Variants in BRINP3 observed in about 807,000 individuals in gnomAD.
BRINP3 encodes the protein BMP/retinoic acid inducible neural specific 3.
BRINP3 carries 19 observed loss-of-function variants against 71.0 expected under a neutral mutation model. The ratio of observed to expected loss-of-function variants is 0.27; its 90% CI spans 0.19 to 0.39. The LOEUF (loss-of-function observed/expected upper bound fraction) is 0.39. Among genes scored for constraint, BRINP3 ranks in the 10% least tolerant of loss-of-function variants. The pLI is 1.00. For missense variants in BRINP3, 959 were observed against 940.8 expected (o/e 1.02, Z -0.25); for synonymous variants, 380 against 337.7 (o/e 1.13, Z -1.37).
At chr1:190,195,869 C>T (rs927672955) in intron 6 of BRINP3, among the ~76,000 whole-genome samples, 1 of 152,040 alleles carries the variant, frequency 6.6e-6, no homozygotes, top group African/African-American at 2.4e-5. Flanking sequence ...AGCTTGTTAT[C>T]TCCACTTTCT....
chr1:190,193,440 C>T (rs1654218394), intron 6 of BRINP3, among the ~76,000 whole-genome samples: 1 of 151,938 alleles, frequency 6.6e-6, no homozygotes, highest in Non-Finnish European at 1.5e-5. Context: ...CTTTTAAGAG[C>T]CATGAGTATA....
chr1:190,183,437 G>A (rs1278162355), intron 6 of BRINP3, among the ~76,000 whole-genome samples: 2 of 151,916 alleles, frequency 1.3e-5, no homozygotes, highest in Admixed American at 6.6e-5. Context: ...CTGCTCAAAG[G>A]GGGAATAAAG....
intron 2 of BRINP3, among the ~76,000 whole-genome samples, chr1:190,312,752 C>T (rs535382402): frequency 1.3e-5 from 2 of 151,596 alleles, no homozygotes; most frequent in South Asian, 2.1e-4. Flanking sequence ...TTGCATCATC[C>T]GATAATAGGA....
Position 190,098,850 on chromosome 1 carries a change from G to A in BRINP3, c.1469C>T (p.Thr490Ile). Residue 490 changes from threonine to isoleucine, a missense_variant, in exon 8 of 8, where the codon ACT (threonine) becomes ATT (isoleucine). Transcript: ENST00000367462. ...ESTDHYIGFETDLQDLEMKYL... is the reference protein window; with the variant it reads ...ESTDHYIGFEIDLQDLEMKYL... ...TTTCATCTCGAGATCTTGCAGGTCAGTTTCAAAGCCAATATAGTGATCGGT... is the reference window on the plus strand; with the variant it reads ...TTTCATCTCGAGATCTTGCAGGTCAATTTCAAAGCCAATATAGTGATCGGT... 1 of 1,614,196 alleles carries A rather than the reference G, an allele frequency of 6.2e-7. No homozygotes were observed. Among genetic ancestry groups the A allele is most frequent in the Non-Finnish European group, 8.5e-7 (1 of 1,180,042 alleles).
chr1:190,233,840 A>G (rs1658245272), intron 5 of BRINP3, among the ~76,000 whole-genome samples: 1 of 152,194 alleles, frequency 6.6e-6, no homozygotes, highest in Non-Finnish European at 1.5e-5. Flanking sequence ...TAGTAATAGA[A>G]AATAGCAAAT....
At chr1:190,313,605 A>G (rs1027226337) in intron 2 of BRINP3, among the ~76,000 whole-genome samples, 6 of 152,058 alleles carry the variant, frequency 3.9e-5, no homozygotes, top group Non-Finnish European at 8.8e-5. Context: ...AACATCATCA[A>G]CAATAATCAA....
chr1:190,456,599 A>G (rs1252539227), intron 1 of BRINP3, among the ~76,000 whole-genome samples: 1 of 151,940 alleles, frequency 6.6e-6, no homozygotes, highest in African/African-American at 2.4e-5. Flanking sequence ...GAACTATACA[A>G]TTTATTTTAA....
At chr1:190,445,247 C>T (rs1388599770) in intron 2 of BRINP3, among the ~76,000 whole-genome samples, 3 of 151,864 alleles carry the variant, frequency 2.0e-5, no homozygotes, top group African/African-American at 7.3e-5. Context: ...CTATTATAAA[C>T]CATAAATAGT....
intron 1 of BRINP3, among the ~76,000 whole-genome samples, chr1:190,470,758 A>G (rs1378728391): frequency 6.6e-6 from 1 of 151,152 alleles, no homozygotes; most frequent in Non-Finnish European, 1.5e-5. Flanking sequence ...TCAAAATTTG[A>G]ACACAAACAT....
At chr1:190,155,558 C>T (rs981069294) in intron 7 of BRINP3, among the ~76,000 whole-genome samples, 3 of 152,024 alleles carry the variant, frequency 2.0e-5, no homozygotes, top group Admixed American at 1.3e-4. Context: ...CATAGTATAG[C>T]TCAGTTACGT....
At chr1:190,456,819 A>G (rs1258935286) in intron 1 of BRINP3, among the ~76,000 whole-genome samples, 2 of 152,208 alleles carry the variant, frequency 1.3e-5, no homozygotes, top group African/African-American at 2.4e-5. Context: ...TTTCATAAAG[A>G]CAGAATAAAT....
rs913644308 is a variant in BRINP3 at position 190,365,806 on chromosome 1, G to GTGTGTATATA, written c.237-84057_237-84056insTATATACACA. The stretch of plus-strand genomic sequence containing the variant: ...CGAAGAGTACAATGAGAGAGCAAGT[G>GTGTGTATATA]TATATATATATATATATATATATAT... On this transcript the variant is annotated intron_variant, in intron 2 of 7. Coordinates refer to ENST00000367462, the MANE Select transcript of BRINP3 (RefSeq NM_199051.3). Among the ~76,000 whole-genome samples the GTGTGTATATA allele has an allele frequency of 9.4e-5, 12 of 127,872 alleles. No individual in the cohort carries two copies. In the South Asian group the frequency reaches 1.5e-3, roughly 16 times the overall value. 83.9% of individuals were successfully genotyped at this position (127,872 alleles called of 152,430 possible).
chr1:190,150,595 T>C (rs957905088), intron 7 of BRINP3, among the ~76,000 whole-genome samples: 2 of 152,190 alleles, frequency 1.3e-5, no homozygotes, highest in African/African-American at 2.4e-5. Flanking sequence ...AGTACTATCA[T>C]TCAGAATGAG....
At chr1:190,116,282 T>C (rs1479905030) in intron 7 of BRINP3, among the ~76,000 whole-genome samples, 1 of 152,100 alleles carries the variant, frequency 6.6e-6, no homozygotes. Flanking sequence ...TGAAAATTGA[T>C]TGAAGTAGAC....
chr1:190,130,747 CCA>C lies in BRINP3; in HGVS notation c.1184+29919_1184+29920del, dbSNP rs1557993157. Among the ~76,000 whole-genome samples the C allele has an allele frequency of 7.9e-5, 12 of 152,080 alleles. No individual in the cohort carries two copies. In the South Asian group the frequency reaches 2.3e-3, roughly 29 times the overall value. ...GTATAGCCACGTGACAAGTTCTTGA[CCA>C]CACAGTCAGTATGAATGGCAGAGAT... is the stretch of plus-strand genomic sequence containing the variant. On this transcript the variant is annotated intron_variant, in intron 7 of 7. Transcript: ENST00000367462.
At chr1:190,300,426 T>C (rs1664590064) in intron 2 of BRINP3, among the ~76,000 whole-genome samples, 1 of 152,136 alleles carries the variant, frequency 6.6e-6, no homozygotes, top group South Asian at 2.1e-4. Context: ...CTTCTCTGTA[T>C]TGGTTATTCT....
rs542784096 is a variant in BRINP3 at position 190,471,610 on chromosome 1, T to C, written c.-51+5838A>G. ...TCCTAATTAATTCTAGTAAACTTTA[T>C]ATGAGTTTGTAAAAAGCATTGGAAA... On this transcript the variant is annotated intron_variant, in intron 1 of 7. Transcript: ENST00000367462. 4.8e-4 allele frequency among the ~76,000 whole-genome samples: 72 copies of C among 151,558 alleles called. 1 individual carries two copies. The highest frequency in any genetic ancestry group is 1.6e-3 in the African/African-American group (67 of 41,526).
intron 2 of BRINP3, among the ~76,000 whole-genome samples, chr1:190,322,788 A>T (rs1440612712): frequency 1.3e-5 from 2 of 151,986 alleles, no homozygotes; most frequent in African/African-American, 4.8e-5. Flanking sequence ...ATAAAGTTAC[A>T]TTCCTTTTAG....
At chr1:190,412,944 G>A (rs1029649054) in intron 2 of BRINP3, among the ~76,000 whole-genome samples, 10 of 151,960 alleles carry the variant, frequency 6.6e-5, no homozygotes, top group African/African-American at 1.5e-4. Context: ...AAGGAAGGCA[G>A]GCAAGCATAT....
Sources: gnomAD v4.1 joint callset for allele counts (sites outside exome capture counted in the v4.1 genomes callset) on GRCh38, gnomAD v4.1.1 for gene constraint, MANE v1.5 for transcripts, NCBI Gene and HGNC (gene_info 2026-07-23, HGNC 2026-07-21) for gene names.